ELOVL7: variants seen among roughly 807,000 people sequenced by gnomAD.
ELOVL7 encodes ELOVL fatty acid elongase 7.
Under a neutral mutation model 35.7 loss-of-function variants are expected in ELOVL7, and 27 were observed. The ratio of observed to expected loss-of-function variants is 0.76; its 90% confidence interval spans 0.56 to 1.04. ELOVL7 has a LOEUF of 1.04. Ranked by LOEUF, ELOVL7 falls within the 50% of genes least tolerant of loss-of-function variation. The pLI is 0.00. For missense variants in ELOVL7, 327 were observed against 340.8 expected, an observed-to-expected ratio of 0.96 and a Z score of 0.32; for synonymous variants, 113 against 114.6, an observed-to-expected ratio of 0.99 and a Z score of 0.09.
In ELOVL7 at chr5:60,824,122, T is replaced by C. The variant is rs575544302; in HGVS notation, c.-86+20038A>G. Reference sequence around the variant, plus strand: ...TGGGTATCCGTGCAGAGGATTACTGTAGGATTAATTTGGAATTAGGGCTTT... The same window carrying C: ...TGGGTATCCGTGCAGAGGATTACTGCAGGATTAATTTGGAATTAGGGCTTT... On this transcript the variant is annotated intron_variant, in intron 1 of 8. Transcript: ENST00000508821. 2.6e-5 allele frequency among the ~76,000 whole-genome samples: 4 copies of C among 152,106 alleles called. No individual in the cohort carries two copies. The South Asian group carries it at 6.3e-4, about 24-fold the overall frequency.
At chr5:60,760,261 T>A (rs1741818732) in intron 7 of ELOVL7, among the ~76,000 whole-genome samples, 1 of 152,230 alleles carries the variant, frequency 6.6e-6, no homozygotes, top group Non-Finnish European at 1.5e-5. Context: ...ACCAACAGTG[T>A]GAAAGTGTTC....
At chr5:60,774,947 G>T (rs1460680361) in intron 3 of ELOVL7, among the ~76,000 whole-genome samples, 1 of 151,924 alleles carries the variant, frequency 6.6e-6, no homozygotes, top group Non-Finnish European at 1.5e-5. Flanking sequence ...TGTATTTTTA[G>T]TAGAGACAGG....
At chr5:60,831,171 C>A (rs1337852439) in intron 1 of ELOVL7, among the ~76,000 whole-genome samples, 1 of 152,156 alleles carries the variant, frequency 6.6e-6, no homozygotes, top group African/African-American at 2.4e-5. Flanking sequence ...CAGGAGATTA[C>A]CTTCTTTCTA....
chr5:60,768,619 TTCAAAGA>T (rs1742390328), intron 4 of ELOVL7: 2 of 446,540 alleles, frequency 4.5e-6, no homozygotes, highest in Admixed American at 2.4e-5. Context: ...TGAAGTGTAA[TTCAAAGA>T]TTATAAAGAT....
intron 1 of ELOVL7, among the ~76,000 whole-genome samples, chr5:60,821,417 T>C (rs1745879793): frequency 6.6e-6 from 1 of 152,184 alleles, no homozygotes. Context: ...CCTTTTCCAC[T>C]ATGTCCCCTC....
At chr5:60,787,614 C>T (rs569746383) in intron 2 of ELOVL7, 183 bp from the exon 3 acceptor site, 13 of 435,276 alleles carry the variant, frequency 3.0e-5, no homozygotes, top group East Asian at 9.3e-5. Flanking sequence ...GCAGACATTT[C>T]GGGTTTTCCA....
chr5:60,828,855 T>G (rs1435491494), intron 1 of ELOVL7, among the ~76,000 whole-genome samples: 1 of 152,200 alleles, frequency 6.6e-6, no homozygotes, highest in East Asian at 1.9e-4. Flanking sequence ...CTCTCACTAC[T>G]TTTAGTCATA....
Position 60,754,014 on chromosome 5 carries a change from C to T in ELOVL7, c.*610G>A, listed in dbSNP as rs1741387756. On this transcript the variant is annotated 3_prime_UTR_variant, in exon 9 of 9. Coordinates refer to ENST00000508821, the MANE Select transcript of ELOVL7 (RefSeq NM_024930.3). ...CAAATGGGTTGTGAGGAAGTCTTATCAGCAAAACTGGTGATGGCTACTGAA... is the reference window on the plus strand; with the variant it reads ...CAAATGGGTTGTGAGGAAGTCTTATTAGCAAAACTGGTGATGGCTACTGAA... 1 of 152,340 alleles carries T rather than the reference C, an allele frequency of 6.6e-6. No homozygotes were observed. Among genetic ancestry groups the T allele is most frequent in the African/African-American group, 2.4e-5 (1 of 41,440 alleles). 9.4% of individuals were successfully genotyped at this position (152,340 alleles called of 1,614,324 possible).
chr5:60,755,777 C>G (rs76910489), intron 8 of ELOVL7, among the ~76,000 whole-genome samples: 1,721 of 152,266 alleles, frequency 0.011, 27 homozygotes, highest in Non-Finnish European at 0.016. Flanking sequence ...TACACAGTCC[C>G]AAGAGGGACC....
chr5:60,810,849 C>A (rs755109952), intron 1 of ELOVL7, among the ~76,000 whole-genome samples: 1 of 152,020 alleles, frequency 6.6e-6, no homozygotes, highest in Admixed American at 6.6e-5. Context: ...CAGTACCGAC[C>A]CAGGGGAGGT....
intron 1 of ELOVL7, among the ~76,000 whole-genome samples, chr5:60,814,887 A>T (rs1745433611): frequency 6.6e-6 from 1 of 152,186 alleles, no homozygotes. Flanking sequence ...GTAAGCAGAA[A>T]ATACAGGGCT....
chr5:60,826,372 A>AT (rs369512592), intron 1 of ELOVL7, among the ~76,000 whole-genome samples: 2,286 of 150,064 alleles, frequency 0.015, 30 homozygotes, highest in South Asian at 0.042. Flanking sequence ...TGTGATTCTG[A>AT]TTTTTTTTTT....
intron 1 of ELOVL7, among the ~76,000 whole-genome samples, chr5:60,811,777 C>T (rs1165977661): frequency 1.3e-5 from 2 of 152,128 alleles, no homozygotes; most frequent in Non-Finnish European, 2.9e-5. Flanking sequence ...AGCCCCTTGG[C>T]CTTGGACTTC....
At position 60,753,837 on chromosome 5, in the gene ELOVL7, G is replaced by C. The variant is rs1741380671; in HGVS notation, c.*787C>G. On this transcript the variant is annotated 3_prime_UTR_variant, in exon 9 of 9. Transcript: ENST00000508821. The stretch of plus-strand genomic sequence containing the variant: ...TCATTGACAAATTCACCTCTTTCCA[G>C]AGATATACAAAGTTAATTGTAAAAC... 1 of 152,156 alleles carries C rather than the reference G, an allele frequency of 6.6e-6. No individual in the cohort carries two copies. Among genetic ancestry groups the C allele is most frequent in the Non-Finnish European group, 1.5e-5 (1 of 68,024 alleles). 9.4% of individuals were successfully genotyped at this position (152,156 alleles called of 1,614,324 possible).
intron 6 of ELOVL7, among the ~76,000 whole-genome samples, chr5:60,764,715 T>A (rs1742133665): frequency 6.6e-6 from 1 of 152,164 alleles, no homozygotes; most frequent in African/African-American, 2.4e-5. Flanking sequence ...TATTCTACAT[T>A]GCTTTCTAAT....
intron 2 of ELOVL7, among the ~76,000 whole-genome samples, chr5:60,788,729 T>C (rs954040533): frequency 2.6e-5 from 4 of 151,994 alleles, no homozygotes; most frequent in Non-Finnish European, 5.9e-5. Flanking sequence ...GAGCAGATTG[T>C]GCCACTGCAC....
intron 2 of ELOVL7, among the ~76,000 whole-genome samples, chr5:60,797,467 G>A (rs1177456853): frequency 2.6e-5 from 4 of 152,176 alleles, no homozygotes; most frequent in Admixed American, 2.6e-4. Flanking sequence ...AAAAGCTTAG[G>A]CACTTAGCCA....
At chr5:60,784,095 T>C (rs984214231) in intron 3 of ELOVL7, 3 of 1,366,802 alleles carry the variant, frequency 2.2e-6, no homozygotes, top group African/African-American at 2.9e-5. Context: ...GCCACATACA[T>C]AGAATATTAA....
intron 2 of ELOVL7, among the ~76,000 whole-genome samples, chr5:60,795,898 G>A (rs1242211556): frequency 6.6e-6 from 1 of 152,170 alleles, no homozygotes; most frequent in African/African-American, 2.4e-5. Flanking sequence ...TGGAATCTGT[G>A]AGGCCAAGAA....
Sources: allele counts gnomAD v4.1 joint callset (sites outside exome capture counted in the v4.1 genomes callset), GRCh38; gene constraint gnomAD v4.1.1; transcripts MANE v1.5; gene names NCBI Gene and HGNC (gene_info 2026-07-23, HGNC 2026-07-21).